The following GPR176 variants were observed in gnomAD, a reference collection of about 807,000 sequenced individuals.
The protein encoded by GPR176 is G protein-coupled receptor 176, also known as G-protein coupled receptor 176.
GPR176 carries 26 observed loss-of-function variants against 35.4 expected under a neutral mutation model. The ratio of observed to expected loss-of-function variants is 0.74; its 90% CI spans 0.54 to 1.02. The LOEUF (loss-of-function observed/expected upper bound fraction) is 1.02. Among genes scored for constraint, GPR176 ranks in the 50% least tolerant of loss-of-function variants. The probability of loss-of-function intolerance (pLI) is 0.00; values close to 1 mark genes in which losing one functional copy is unlikely to be tolerated. For missense variants in GPR176, 597 were observed against 665.3 expected, an observed-to-expected ratio of 0.90 and a Z score of 1.13; for synonymous variants, 278 against 271.3, an observed-to-expected ratio of 1.02 and a Z score of -0.24.
intron 1 of GPR176, among the ~76,000 whole-genome samples, chr15:39,883,380 T>TA (rs199659777): frequency 6.0e-4 from 90 of 151,152 alleles, no homozygotes; most frequent in Non-Finnish European, 6.8e-4. Flanking sequence ...GCATGCTTTT[T>TA]AAAAAAAAAC....
At chr15:39,878,096 C>CTGTGTG (rs58251937) in intron 1 of GPR176, among the ~76,000 whole-genome samples, 6,148 of 129,966 alleles carry the variant, frequency 0.047, 261 homozygotes, top group African/African-American at 0.1. Context: ...CCATAGTTAC[C>CTGTGTG]TGTGTGTGTG....
rs1300540341 is a variant in GPR176, at chr15:39,827,173, T to A, written c.173-19915A>T. Among the ~76,000 whole-genome samples the A allele has an allele frequency of 2.0e-5, 3 of 152,202 alleles. No homozygotes were observed. The South Asian group carries it at 6.2e-4, about 32-fold the overall frequency. ...TATTCAACAAGCTATAGGAGGAGCA[T>A]GAATATATATGAAAGGAGAAATGTA... On this transcript the variant is annotated intron_variant, in intron 1 of 2. Transcript: ENST00000561100.
intron 1 of GPR176, among the ~76,000 whole-genome samples, chr15:39,854,469 T>C (rs920767655): frequency 1.4e-4 from 22 of 152,320 alleles, no homozygotes; most frequent in Admixed American, 3.9e-4. Context: ...CTTCTATGAA[T>C]CATGTCCTAT....
At chr15:39,809,498 CATACCAA>C (rs1200279833) in intron 1 of GPR176, among the ~76,000 whole-genome samples, 2 of 152,184 alleles carry the variant, frequency 1.3e-5, no homozygotes, top group Non-Finnish European at 2.9e-5. Context: ...TTTTACAAGG[CATACCAA>C]GTAAGGATAA....
In GPR176 at chr15:39,801,753, G is replaced by A. The variant is rs1898882028; in HGVS notation, c.927C>T (p.Pro309=). The A allele has an allele frequency of 6.8e-6, 11 of 1,613,846 alleles. No individual in the cohort carries two copies. In the East Asian group the frequency reaches 2.2e-4, roughly 33 times the overall value. The part of the protein sequence containing the change: ...VFLLLTAVWL[P]KVSLLANPVL... ...CAGGGTTTGCCAGCAGGGAGACTTT[G>A]GGCAGCCAAACAGCAGTGAGCAGCA... is the stretch of plus-strand genomic sequence containing the variant. The change falls in exon 3 of 3, where the codon CCC becomes CCT. Residue 309 remains proline, a synonymous_variant. Transcript: ENST00000561100.
intron 1 of GPR176, among the ~76,000 whole-genome samples, chr15:39,859,501 A>C (rs925323209): frequency 2.0e-5 from 3 of 147,668 alleles, no homozygotes; most frequent in African/African-American, 8.0e-5. Flanking sequence ...GAAAAAAAAA[A>C]AAACAAAACA....
At chr15:39,891,323 A>T (rs906222597) in intron 1 of GPR176, among the ~76,000 whole-genome samples, 10 of 152,320 alleles carry the variant, frequency 6.6e-5, no homozygotes, top group South Asian at 6.2e-4. Flanking sequence ...CTCTCAAGAG[A>T]TGCTCTTGAC....
chr15:39,812,857 C>T (rs772048416), intron 1 of GPR176, among the ~76,000 whole-genome samples: 1 of 151,918 alleles, frequency 6.6e-6, no homozygotes, highest in Non-Finnish European at 1.5e-5. Context: ...GCTCCTCCTG[C>T]CTCAGCCTCC....
chr15:39,819,168 T>C (rs1447161251), intron 1 of GPR176, among the ~76,000 whole-genome samples: 3 of 152,220 alleles, frequency 2.0e-5, no homozygotes, highest in Non-Finnish European at 4.4e-5. Context: ...TGGACCAGCA[T>C]CCAAACAAGC....
intron 1 of GPR176, among the ~76,000 whole-genome samples, chr15:39,809,233 T>C (rs1595435641): frequency 6.6e-6 from 1 of 152,222 alleles, no homozygotes; most frequent in East Asian, 1.9e-4. Flanking sequence ...AATAGTCCTA[T>C]GTTCTTTCCA....
intron 1 of GPR176, chr15:39,829,117 T>A (rs1333188213): frequency 1.4e-6 from 2 of 1,397,896 alleles, no homozygotes; most frequent in South Asian, 1.2e-5. Context: ...GGAGCTGGCA[T>A]TCAGACAGAA....
At chr15:39,833,431 A>C (rs1193139245) in intron 1 of GPR176, among the ~76,000 whole-genome samples, 1 of 152,214 alleles carries the variant, frequency 6.6e-6, no homozygotes, top group African/African-American at 2.4e-5. Context: ...TTCCATTTGT[A>C]TATGTCCAGG....
At chr15:39,878,135 T>TGTGTG (rs1555408567) in intron 1 of GPR176, among the ~76,000 whole-genome samples, 18 of 148,816 alleles carry the variant, frequency 1.2e-4, no homozygotes, top group Non-Finnish European at 1.8e-4. Context: ...TGTGTGTGTG[T>TGTGTG]TGAGAACATT....
chr15:39,879,498 T>C (rs769968183), intron 1 of GPR176, among the ~76,000 whole-genome samples: 6 of 152,240 alleles, frequency 3.9e-5, no homozygotes, highest in South Asian at 2.1e-4. Context: ...TTGTCATATG[T>C]GCAAAACTGT....
At chr15:39,892,465 C>T (rs1190226975) in intron 1 of GPR176, among the ~76,000 whole-genome samples, 1 of 152,154 alleles carries the variant, frequency 6.6e-6, no homozygotes, top group African/African-American at 2.4e-5. Flanking sequence ...GAACTGTGTC[C>T]TCACAAAAAG....
rs1430793324 is a variant in GPR176 at position 39,919,905 on chromosome 15, C to T, written c.122G>A (p.Arg41His). The T allele has an allele frequency of 6.6e-7, 1 of 1,524,790 alleles. No individual in the cohort carries two copies. The highest frequency in any genetic ancestry group is 8.8e-7 in the Non-Finnish European group (1 of 1,140,444). 94.5% of individuals were successfully genotyped at this position (1,524,790 alleles called of 1,614,324 possible). The change falls in exon 1 of 3, where the codon CGC (arginine) becomes CAC (histidine). Residue 41 changes from arginine (R) to histidine (H), a missense_variant. This residue lies in a region of GPR176 where 126 missense variants were observed against 112.4 expected (regional missense o/e 1.12). Coordinates refer to ENST00000561100, the MANE Select transcript of GPR176 (RefSeq NM_007223.3). ...LGEFGEAQLY[R>H]QFTTTVQVVI... ...GACCTGCACGGTGGTGGTGAACTGGCGGTACAGCTGCGCCTCGCCGAACTC... is the reference window on the plus strand; with the variant it reads ...GACCTGCACGGTGGTGGTGAACTGGTGGTACAGCTGCGCCTCGCCGAACTC...
At chr15:39,900,105 T>C (rs1283809565) in intron 1 of GPR176, among the ~76,000 whole-genome samples, 1 of 152,014 alleles carries the variant, frequency 6.6e-6, no homozygotes, top group African/African-American at 2.4e-5. Context: ...AACATGTTAG[T>C]TAAATTTAGA....
At chr15:39,892,264 T>C (rs752684729) in intron 1 of GPR176, among the ~76,000 whole-genome samples, 1 of 152,190 alleles carries the variant, frequency 6.6e-6, no homozygotes, top group Non-Finnish European at 1.5e-5. Context: ...AGAAATCATC[T>C]TGTCTATCAA....
At chr15:39,887,899 A>G (rs1488651567) in intron 1 of GPR176, among the ~76,000 whole-genome samples, 2 of 152,246 alleles carry the variant, frequency 1.3e-5, no homozygotes, top group East Asian at 3.8e-4. Flanking sequence ...ATATAAAAGA[A>G]GCTCTCTGCC....
Sources: gnomAD v4.1 joint callset for allele counts (sites outside exome capture counted in the v4.1 genomes callset) on GRCh38, gnomAD v4.1.1 for gene constraint, gnomAD v4.1.1 regional missense constraint, MANE v1.5 for transcripts, NCBI Gene and HGNC (gene_info 2026-07-23, HGNC 2026-07-21) for gene names.